Variants in S100A13 observed in about 807,000 individuals in gnomAD.
The protein encoded by S100A13 is S100 calcium binding protein A13, also known as protein S100-A13.
In S100A13, 6 loss-of-function variants were observed where a neutral mutation model predicts 8.2. That is an observed-to-expected ratio of 0.73 (90% confidence interval 0.40 to 1.44). The LOEUF is 1.44. S100A13 is among the 40% of genes most tolerant of loss of function. The probability of loss-of-function intolerance (pLI) is 0.02; values close to 1 mark genes in which losing one functional copy is unlikely to be tolerated. For synonymous variants in S100A13, 39 were observed against 45.9 expected, an observed-to-expected ratio of 0.85 and a Z score of 0.61; for missense variants, 114 against 113.6, an observed-to-expected ratio of 1.00 and a Z score of -0.02.
upstream of S100A13, chr1:153,628,010 C>T (rs1040401693): frequency 6.5e-7 from 1 of 1,548,160 alleles, no homozygotes; most frequent in Non-Finnish European, 8.7e-7. Flanking sequence ...ATTGAAATCC[C>T]TCTGTGGGTT....
upstream of S100A13, chr1:153,628,349 G>T: frequency 1.3e-6 from 2 of 1,537,292 alleles, no homozygotes; most frequent in Non-Finnish European, 1.8e-6. Context: ...GCCCCACAGG[G>T]TGTTCGTCTG....
At chr1:153,628,207 C>T, upstream of S100A13, 1 of 1,549,220 alleles carries the variant, frequency 6.5e-7, no homozygotes, top group Non-Finnish European at 8.7e-7. Context: ...ACCTCCTTCC[C>T]ACCTCTTTCC....
chr1:153,619,974 G>T (rs1457683585), intron 2 of S100A13, among the ~76,000 whole-genome samples: 1 of 152,176 alleles, frequency 6.6e-6, no homozygotes, highest in East Asian at 1.9e-4. Flanking sequence ...TCAGTAAAGA[G>T]AAATAAATAA....
upstream of S100A13, chr1:153,631,373 T>C (rs896230637): frequency 5.5e-6 from 7 of 1,273,542 alleles, no homozygotes; most frequent in African/African-American, 1.5e-5. Flanking sequence ...TTCTCTAGAA[T>C]GGAAATAATG....
chr1:153,630,355 T>G, upstream of S100A13: 3 of 953,034 alleles, frequency 3.1e-6, no homozygotes, highest in Non-Finnish European at 4.5e-6. Flanking sequence ...TTCCCTCACA[T>G]TGTAAAATCT....
intron 2 of S100A13, among the ~76,000 whole-genome samples, chr1:153,625,939 G>A (rs1373885953): frequency 2.6e-5 from 4 of 152,300 alleles, no homozygotes; most frequent in South Asian, 2.1e-4. Context: ...AGGCCGAGGC[G>A]GGTGGATCAC....
chr1:153,627,180 C>G (rs567205573), intron 1 of S100A13: 190 of 152,608 alleles, frequency 1.2e-3, no homozygotes, highest in Non-Finnish European at 2.2e-3. Flanking sequence ...AACCCAGGAC[C>G]CCACAGATCC....
chr1:153,619,952 G>T (rs1667127905), intron 2 of S100A13, among the ~76,000 whole-genome samples: 1 of 152,134 alleles, frequency 6.6e-6, no homozygotes, highest in African/African-American at 2.4e-5. Flanking sequence ...ATTATATTGG[G>T]GGTGCATTCA....
upstream of S100A13, chr1:153,628,279 C>A (rs562821719): frequency 1.5e-5 from 23 of 1,517,804 alleles, no homozygotes; most frequent in Non-Finnish European, 1.9e-5. Flanking sequence ...GGGAAAGAGA[C>A]AAGGGCCGCC....
Position 153,618,802 on chromosome 1 carries a change from G to C in S100A13, c.*93C>G, listed in dbSNP as rs1667047964. 4 of 1,210,758 alleles carry C rather than the reference G, an allele frequency of 3.3e-6. No homozygotes were observed. The African/African-American group carries it at 4.5e-5, about 14-fold the overall frequency. The allele number at this position is 1,210,758 out of a possible 1,614,324, so 75.0% of individuals were successfully genotyped here. A position where few individuals can be genotyped will look rare whatever the true frequency, so the allele number is the denominator to read the frequency against. Reference sequence around the variant, plus strand: ...GATGGGGTGTAAGTAAGAAACATTTGTGTTTCAAGGAGGAAGCTTTATTTG... The same window carrying C: ...GATGGGGTGTAAGTAAGAAACATTTCTGTTTCAAGGAGGAAGCTTTATTTG... On this transcript the variant is annotated 3_prime_UTR_variant, in exon 3 of 3. Coordinates refer to ENST00000476133, the MANE Select transcript of S100A13 (RefSeq NM_001024211.2).
upstream of S100A13, chr1:153,631,251 A>C: frequency 1.8e-6 from 1 of 568,428 alleles, no homozygotes; most frequent in Non-Finnish European, 3.1e-6. Context: ...ATACGGTAGA[A>C]AGTGCACCGG....
At chr1:153,620,723 T>C (rs1178893694) in intron 2 of S100A13, among the ~76,000 whole-genome samples, 1 of 152,172 alleles carries the variant, frequency 6.6e-6, no homozygotes, top group Non-Finnish European at 1.5e-5. Flanking sequence ...ATTTAAAGTA[T>C]ACAGGAGGAT....
Position 153,626,515 on chromosome 1 carries a change from G to T in S100A13, c.-43C>A. On this transcript the variant is annotated 5_prime_UTR_variant, in exon 2 of 3. Coordinates refer to ENST00000476133, the MANE Select transcript of S100A13 (RefSeq NM_001024211.2). ...AGCTGATGTCCTCAAGGGGCTAGCT[G>T]ACCTTTGTCAGGGCTGACCTGTGGA... 6.2e-7 allele frequency: 1 copy of T among 1,605,962 alleles called. No individual in the cohort carries two copies. Among genetic ancestry groups the T allele is most frequent in the South Asian group, 1.1e-5 (1 of 90,760 alleles).
At chr1:153,623,387 T>C (rs1037833835) in intron 2 of S100A13, among the ~76,000 whole-genome samples, 6 of 141,300 alleles carry the variant, frequency 4.2e-5, no homozygotes, top group African/African-American at 7.7e-5. Context: ...TTTCGTTTCC[T>C]TTTTTTTTTT....
upstream of S100A13, among the ~76,000 whole-genome samples, chr1:153,633,477 C>T: frequency 9.9e-6 from 1 of 100,962 alleles, no homozygotes; most frequent in South Asian, 4.1e-4. Flanking sequence ...GGTGCCCCAC[C>T]CCAAGAAGGA....
At chr1:153,631,298 C>A, upstream of S100A13, 1 of 685,126 alleles carries the variant, frequency 1.5e-6, no homozygotes, top group Non-Finnish European at 2.4e-6. Context: ...AAATTCCAGC[C>A]CTGCTACTTT....
intron 2 of S100A13, among the ~76,000 whole-genome samples, chr1:153,620,264 G>A (rs968561612): frequency 6.6e-6 from 1 of 151,874 alleles, no homozygotes; most frequent in African/African-American, 2.4e-5. Flanking sequence ...TCCAGTCTGG[G>A]CTACAGAGTG....
upstream of S100A13, chr1:153,633,905 G>A (rs1019913793): frequency 6.6e-6 from 1 of 152,176 alleles, no homozygotes; most frequent in Non-Finnish European, 1.5e-5. Context: ...CGCCCCTAGG[G>A]GCGGGGCACT....
intron 2 of S100A13, among the ~76,000 whole-genome samples, chr1:153,620,576 TGAA>T (rs1297599664): frequency 4.6e-5 from 7 of 151,870 alleles, no homozygotes; most frequent in African/African-American, 1.7e-4. Context: ...CAAAAATATT[TGAA>T]GAAAAAAATC....
Sources: allele counts gnomAD v4.1 joint callset (sites outside exome capture counted in the v4.1 genomes callset), GRCh38; gene constraint gnomAD v4.1.1; transcripts MANE v1.5; gene names NCBI Gene and HGNC (gene_info 2026-07-23, HGNC 2026-07-21).